PRKN: variants seen among roughly 807,000 people sequenced by gnomAD.
The protein encoded by PRKN is E3 ubiquitin-protein ligase parkin.
In PRKN, 56 loss-of-function variants were observed where a neutral mutation model predicts 59.5. The ratio of observed to expected loss-of-function variants is 0.94; its 90% CI spans 0.76 to 1.18. PRKN has a LOEUF of 1.18. PRKN is among the 50% of genes most tolerant of loss of function. The pLI is 0.00. For missense variants in PRKN, 657 were observed against 596.4 expected (o/e 1.10, Z -1.06); for synonymous variants, 250 against 222.1 (o/e 1.13, Z -1.12).
chr6:161,821,719 C>CTTTTTTTTTTTTTTTTTTT (rs531807176), intron 6 of PRKN, among the ~76,000 whole-genome samples: 4 of 64,706 alleles, frequency 6.2e-5, no homozygotes, highest in African/African-American at 1.2e-4. Context: ...CACTGGTGTT[C>CTTTTTTTTTTTTTTTTTTT]TTTTTTTTTT....
At chr6:161,619,275 G>A (rs1782804585) in intron 7 of PRKN, among the ~76,000 whole-genome samples, 1 of 141,108 alleles carries the variant, frequency 7.1e-6, no homozygotes, top group Non-Finnish European at 1.5e-5. Context: ...ACGCAATCTC[G>A]ATGCCCAGAG....
intron 1 of PRKN, among the ~76,000 whole-genome samples, chr6:162,465,706 A>G (rs920871380): frequency 2.8e-5 from 4 of 141,310 alleles, no homozygotes; most frequent in African/African-American, 1.1e-4. Context: ...GAAGAAACTG[A>G]ATGCTGATTT....
chr6:161,653,163 C>G (rs1784211033), intron 7 of PRKN, among the ~76,000 whole-genome samples: 1 of 152,052 alleles, frequency 6.6e-6, no homozygotes, highest in African/African-American at 2.4e-5. Context: ...AAGATCGAGA[C>G]CATCCTGGCC....
At chr6:162,549,639 CTTTTTT>C (rs10553695) in intron 1 of PRKN, among the ~76,000 whole-genome samples, 4 of 122,582 alleles carry the variant, frequency 3.3e-5, no homozygotes, top group African/African-American at 3.1e-5. Context: ...ATGCGATAAT[CTTTTTT>C]TTTTTTTTTT....
chr6:162,557,532 G>A (rs1274461930), intron 1 of PRKN, among the ~76,000 whole-genome samples: 1 of 151,928 alleles, frequency 6.6e-6, no homozygotes, highest in African/African-American at 2.4e-5. Flanking sequence ...TTGTTTTTTT[G>A]AGATAGAGTC....
At chr6:161,437,234 C>T (rs1449846653) in intron 9 of PRKN, among the ~76,000 whole-genome samples, 1 of 152,082 alleles carries the variant, frequency 6.6e-6, no homozygotes, top group Non-Finnish European at 1.5e-5. Flanking sequence ...ATCTCATTGT[C>T]CTGCGCTCAT....
chr6:161,736,887 G>A (rs1230665358), intron 7 of PRKN, among the ~76,000 whole-genome samples: 1 of 152,176 alleles, frequency 6.6e-6, no homozygotes. Flanking sequence ...TTTGTCTGAG[G>A]CTTCAATGGC....
intron 7 of PRKN, among the ~76,000 whole-genome samples, chr6:161,663,967 A>G (rs1044876914): frequency 1.3e-5 from 2 of 152,180 alleles, no homozygotes; most frequent in Non-Finnish European, 2.9e-5. Flanking sequence ...AGGTCAAAAC[A>G]GTGCTCCCGG....
chr6:161,369,980 C>G lies in PRKN; in HGVS notation c.1168-9775G>C, dbSNP rs1375307813. The G allele has an allele frequency of 6.7e-6, 3 of 445,910 alleles. No individual in the cohort carries two copies. Among genetic ancestry groups the G allele is most frequent in the South Asian group, 1.6e-5 (1 of 63,336 alleles). 27.6% of individuals were successfully genotyped at this position (445,910 alleles called of 1,614,324 possible). On this transcript the variant is annotated intron_variant, in intron 10 of 11. Coordinates refer to ENST00000366898, the MANE Select transcript of PRKN (RefSeq NM_004562.3). The surrounding 1 kb of genome is among the most constrained non-coding windows in gnomAD (Gnocchi z 5.8). ...CGGCTTAGCACAGAGCCAGGTGCACCCTGAATGCTAACCGTGTGTTTTCTA... is the reference window on the plus strand; with the variant it reads ...CGGCTTAGCACAGAGCCAGGTGCACGCTGAATGCTAACCGTGTGTTTTCTA...
intron 7 of PRKN, among the ~76,000 whole-genome samples, chr6:161,706,988 C>T (rs1786527476): frequency 6.6e-6 from 1 of 152,124 alleles, no homozygotes; most frequent in African/African-American, 2.4e-5. Context: ...TATCGAAAAA[C>T]TTTATAGAAT....
intron 1 of PRKN, among the ~76,000 whole-genome samples, chr6:162,478,737 C>A (rs1286551117): frequency 6.6e-6 from 1 of 152,190 alleles, no homozygotes; most frequent in Non-Finnish European, 1.5e-5. Context: ...ATGGGGCAGC[C>A]TGCTGCTCTT....
At chr6:162,307,400 T>TA (rs545669121) in intron 2 of PRKN, among the ~76,000 whole-genome samples, 2,119 of 75,508 alleles carry the variant, frequency 0.028, 44 homozygotes, top group African/African-American at 0.071. Context: ...ACCGTCTCAA[T>TA]AAAAAAAAAA....
intron 3 of PRKN, among the ~76,000 whole-genome samples, chr6:162,238,817 C>A (rs1229008993): frequency 6.6e-6 from 1 of 152,164 alleles, no homozygotes; most frequent in Non-Finnish European, 1.5e-5. Context: ...ATGTGCCAGG[C>A]ACAGCTGTGT....
intron 2 of PRKN, among the ~76,000 whole-genome samples, chr6:162,418,285 T>C (rs1233194327): frequency 6.6e-6 from 1 of 152,182 alleles, no homozygotes; most frequent in Non-Finnish European, 1.5e-5. Flanking sequence ...TCCATTTATA[T>C]GAAATGTCCA....
chr6:162,392,528 C>A (rs1238118271), intron 2 of PRKN, among the ~76,000 whole-genome samples: 1 of 152,158 alleles, frequency 6.6e-6, no homozygotes, highest in African/African-American at 2.4e-5. Context: ...GATACACATT[C>A]CTGTTATGGC....
chr6:161,679,956 G>A (rs755405500), intron 7 of PRKN, among the ~76,000 whole-genome samples: 5 of 151,472 alleles, frequency 3.3e-5, no homozygotes, highest in South Asian at 4.2e-4. Flanking sequence ...GGGTTTCACC[G>A]TGTTAGCCAG....
intron 1 of PRKN, among the ~76,000 whole-genome samples, chr6:162,538,709 G>A (rs1366968590): frequency 3.3e-5 from 5 of 152,178 alleles, no homozygotes; most frequent in African/African-American, 1.2e-4. Context: ...TATGCACATG[G>A]CTCTCTTGTA....
chr6:162,561,840 A>G (rs9458596), intron 1 of PRKN, among the ~76,000 whole-genome samples: 3,338 of 152,248 alleles, frequency 0.022, 87 homozygotes, highest in Middle Eastern at 0.034. Context: ...TCTCCAGGTC[A>G]ATGTGAAAGG....
rs35854882 is a variant in PRKN, at chr6:162,710,415, A to AC, written c.7+17246_7+17247insG. 5.5e-5 allele frequency among the ~76,000 whole-genome samples: 8 copies of AC among 144,540 alleles called. No homozygotes were observed. In the South Asian group the frequency reaches 8.8e-4, roughly 16 times the overall value. The allele number at this position is 144,540 out of a possible 152,430, so 94.8% of individuals were successfully genotyped here. On this transcript the variant is annotated intron_variant, in intron 1 of 11. Coordinates refer to ENST00000366898, the MANE Select transcript of PRKN (RefSeq NM_004562.3). ...CACACACACACACACACACACACAC[A>AC]ACTGTTTGGTATGATGAGGAAGAAA... is the stretch of plus-strand genomic sequence containing the variant.
Sources: gnomAD v4.1 joint callset for allele counts (sites outside exome capture counted in the v4.1 genomes callset) on GRCh38, gnomAD v4.1.1 for gene constraint, Gnocchi (gnomAD v3.1) non-coding constraint, MANE v1.5 for transcripts, NCBI Gene and HGNC (gene_info 2026-07-23, HGNC 2026-07-21) for gene names.